The following BBS9 variants were observed in gnomAD, a reference collection of about 807,000 sequenced individuals.
BBS9 encodes Bardet-Biedl syndrome 9, also known as protein PTHB1.
Under a neutral mutation model 117.7 loss-of-function variants are expected in BBS9, and 89 were observed. That is an observed-to-expected ratio of 0.76 (90% CI 0.64 to 0.90). The LOEUF is 0.90. BBS9 is among the 40% of genes least tolerant of loss of function. The pLI is 0.00. For missense variants in BBS9, 982 were observed against 1,042.2 expected (o/e 0.94, Z 0.80); for synonymous variants, 379 against 370.9 (o/e 1.02, Z -0.25).
chr7:33,273,030 A>T lies in BBS9; in HGVS notation c.721A>T (p.Ile241Phe). The change falls in exon 8 of 23, where the codon ATT (isoleucine) becomes TTT (phenylalanine). Residue 241 changes from isoleucine (I) to phenylalanine (F), a missense_variant. Transcript: ENST00000242067. The part of the protein sequence containing the change: ...KRLVVDWTLN[I>F]GEQALDICIV... ...TTTGTAGGTGGATTGGACTCTAAAT[A>T]TTGGAGAGCAAGCCCTTGACATATG... 1 of 1,613,702 alleles carries T rather than the reference A, an allele frequency of 6.2e-7. No homozygotes were observed. Among genetic ancestry groups the T allele is most frequent in the Non-Finnish European group, 8.5e-7 (1 of 1,179,758 alleles).
chr7:33,555,731 A>G (rs1855191905), intron 21 of BBS9, among the ~76,000 whole-genome samples: 1 of 152,218 alleles, frequency 6.6e-6, no homozygotes, highest in Non-Finnish European at 1.5e-5. Context: ...TTGGAAAAGC[A>G]TACAGTTTGA....
chr7:33,546,953 A>G (rs1209351825), intron 21 of BBS9, among the ~76,000 whole-genome samples: 3 of 152,202 alleles, frequency 2.0e-5, no homozygotes, highest in Non-Finnish European at 2.9e-5. Context: ...TATGACCTCA[A>G]TACCCAATTT....
chr7:33,442,999 GT>G (rs1010646915), intron 19 of BBS9, among the ~76,000 whole-genome samples: 15 of 152,286 alleles, frequency 9.8e-5, no homozygotes, highest in Middle Eastern at 3.4e-3. Flanking sequence ...AATGGACTTG[GT>G]TTTTATGACT....
chr7:33,281,174 C>G (rs1489075119), intron 9 of BBS9, among the ~76,000 whole-genome samples: 3 of 150,956 alleles, frequency 2.0e-5, no homozygotes, highest in Non-Finnish European at 4.4e-5. Context: ...GTTGAATAAG[C>G]TTTTTGGTTT....
chr7:33,469,995 G>A (rs191811190), intron 19 of BBS9, among the ~76,000 whole-genome samples: 24 of 152,246 alleles, frequency 1.6e-4, no homozygotes, highest in Non-Finnish European at 2.5e-4. Flanking sequence ...ATTAATAGCA[G>A]ATGTTGCTGT....
intron 19 of BBS9, among the ~76,000 whole-genome samples, chr7:33,406,844 C>T (rs901377631): frequency 6.6e-6 from 1 of 152,202 alleles, no homozygotes; most frequent in Non-Finnish European, 1.5e-5. Flanking sequence ...GTAACCCGAC[C>T]TTTCTCTCTG....
At chr7:33,138,478 C>G (rs923386648) in intron 1 of BBS9, among the ~76,000 whole-genome samples, 5 of 150,898 alleles carry the variant, frequency 3.3e-5, no homozygotes, top group Non-Finnish European at 7.4e-5. Flanking sequence ...GGATGAGATT[C>G]AACATTTCTC....
At chr7:33,598,185 C>G (rs1052101710) in intron 21 of BBS9, among the ~76,000 whole-genome samples, 5 of 150,786 alleles carry the variant, frequency 3.3e-5, no homozygotes, top group Non-Finnish European at 7.4e-5. Context: ...AGAAGAGAAA[C>G]TCCTGGAAAC....
At position 33,596,399 on chromosome 7, in the gene BBS9, AAT is replaced by A. The variant is rs1862820858; in HGVS notation, c.2522-8465_2522-8464del. 5.5e-5 allele frequency among the ~76,000 whole-genome samples: 6 copies of A among 108,112 alleles called. No homozygotes were observed. In the South Asian group the frequency reaches 1.9e-3, roughly 34 times the overall value. 70.9% of individuals were successfully genotyped at this position (108,112 alleles called of 152,430 possible). A position where few individuals can be genotyped will look rare whatever the true frequency, so the allele number is the denominator to read the frequency against. ...TCTATCTATCTATCTATCTATATAT[AAT>A]TAGTCAAAAAAATTCCCACCATCAT... On this transcript the variant is annotated intron_variant, in intron 21 of 22. Coordinates refer to ENST00000242067, the MANE Select transcript of BBS9 (RefSeq NM_198428.3).
intron 17 of BBS9, among the ~76,000 whole-genome samples, chr7:33,377,739 C>T (rs190159337): frequency 6.6e-6 from 1 of 152,098 alleles, no homozygotes; most frequent in Non-Finnish European, 1.5e-5. Context: ...GATCTTTCAC[C>T]TCCCTTGTTA....
At chr7:33,228,640 T>C (rs752176172) in intron 5 of BBS9, among the ~76,000 whole-genome samples, 2 of 152,192 alleles carry the variant, frequency 1.3e-5, no homozygotes, top group Non-Finnish European at 2.9e-5. Context: ...ATATTTTCTA[T>C]GTTATTTGTG....
At chr7:33,466,530 G>A (rs1485723086) in intron 19 of BBS9, among the ~76,000 whole-genome samples, 1 of 152,082 alleles carries the variant, frequency 6.6e-6, no homozygotes, top group Non-Finnish European at 1.5e-5. Flanking sequence ...GTATATATAT[G>A]TGTGTGTGTT....
intron 9 of BBS9, among the ~76,000 whole-genome samples, chr7:33,322,647 G>T (rs563201752): frequency 2.6e-5 from 4 of 151,646 alleles, no homozygotes; most frequent in Non-Finnish European, 2.9e-5. Context: ...TTAGTCTGGC[G>T]AAAGGTTTGT....
intron 21 of BBS9, among the ~76,000 whole-genome samples, chr7:33,591,866 CCATCATCAT>C (rs138958813): frequency 5.3e-5 from 8 of 151,080 alleles, no homozygotes; most frequent in Non-Finnish European, 8.9e-5. Flanking sequence ...GCCGTCGTCG[CCATCATCAT>C]CATCATCATC....
intron 19 of BBS9, among the ~76,000 whole-genome samples, chr7:33,408,590 C>T (rs1830527119): frequency 6.6e-6 from 1 of 152,164 alleles, no homozygotes; most frequent in African/African-American, 2.4e-5. Context: ...GCTCCTCCCA[C>T]ATTTTCTTTA....
intron 9 of BBS9, among the ~76,000 whole-genome samples, chr7:33,295,132 A>G (rs909530941): frequency 1.1e-4 from 16 of 152,178 alleles, no homozygotes; most frequent in Non-Finnish European, 1.8e-4. Context: ...ACACATTTAT[A>G]CTGCTAAGGC....
At chr7:33,572,460 C>G (rs2129140996) in intron 21 of BBS9, among the ~76,000 whole-genome samples, 1 of 152,132 alleles carries the variant, frequency 6.6e-6, no homozygotes, top group East Asian at 1.9e-4. Context: ...ATATATACAG[C>G]AGTGGGATTG....
chr7:33,249,621 A>G (rs138815908), intron 5 of BBS9, among the ~76,000 whole-genome samples: 145 of 152,248 alleles, frequency 9.5e-4, no homozygotes, highest in Admixed American at 2.4e-3. Flanking sequence ...TCAAATCACA[A>G]CAGTTGTTTT....
At chr7:33,150,559 A>G (rs1793144068) in intron 2 of BBS9, among the ~76,000 whole-genome samples, 1 of 152,150 alleles carries the variant, frequency 6.6e-6, no homozygotes, top group Admixed American at 6.5e-5. Flanking sequence ...GCCCTCAAAT[A>G]CTGAAGGAGC....
Sources: allele counts gnomAD v4.1 joint callset (sites outside exome capture counted in the v4.1 genomes callset), GRCh38; gene constraint gnomAD v4.1.1; transcripts MANE v1.5; gene names NCBI Gene and HGNC (gene_info 2026-07-23, HGNC 2026-07-21).